The following WDR4 variants were observed in gnomAD, a reference collection of about 807,000 sequenced individuals.
WDR4 encodes the protein tRNA (guanine-N(7)-)-methyltransferase non-catalytic subunit WDR4.
In WDR4, 47 loss-of-function variants were observed where a neutral mutation model predicts 48.6. That is an observed-to-expected ratio of 0.97 (90% confidence interval 0.77 to 1.23). WDR4 has a LOEUF of 1.23. Among genes scored for constraint, WDR4 ranks in the 50% most tolerant of loss-of-function variants. The pLI is 0.00. For missense variants in WDR4, 606 were observed against 551.6 expected (o/e 1.10, Z -0.99); for synonymous variants, 268 against 230.0 (o/e 1.17, Z -1.49).
intron 3 of WDR4, among the ~76,000 whole-genome samples, chr21:42,868,383 A>T (rs2058296410): frequency 6.6e-6 from 1 of 152,210 alleles, no homozygotes; most frequent in African/African-American, 2.4e-5. Context: ...TGGCAACCTC[A>T]GAACTTCACA....
downstream of WDR4, among the ~76,000 whole-genome samples, chr21:42,848,966 ACT>A (rs750830254): frequency 9.2e-5 from 10 of 108,724 alleles, no homozygotes; most frequent in South Asian, 7.2e-4. Flanking sequence ...CGCGCACCTC[ACT>A]CACAGCACAC....
At chr21:42,868,672 T>C (rs2058304127) in intron 3 of WDR4, among the ~76,000 whole-genome samples, 1 of 152,298 alleles carries the variant, frequency 6.6e-6, no homozygotes, top group East Asian at 1.9e-4. Flanking sequence ...CCTAAGTACG[T>C]GATTTAGGGC....
rs1454182490 is a variant in WDR4, at chr21:42,850,223, G to A, written c.1065C>T (p.Ala355=). 7 of 1,600,506 alleles carry A rather than the reference G, an allele frequency of 4.4e-6. No individual in the cohort carries two copies. In the Admixed American group the frequency reaches 1.2e-4, roughly 28 times the overall value. ...TGGCCTTGTAGAGACTGCTGAAGCT[G>A]GCGTCTGCGCCGGCAGAGCCTGTGA... is the stretch of plus-strand genomic sequence containing the variant. The part of the protein sequence containing the change: ...AMLEGSAGAD[A]SFSSLYKATF... The change falls in exon 11 of 11, where the codon GCC becomes GCT. Residue 355 remains alanine (A), a synonymous_variant. Transcript: ENST00000398208.
rs115837054 is a variant in WDR4 at position 42,854,180 on chromosome 21, T to C, written c.791+382A>G. ...GTCACTCGGGAAGAAGCAGCAGAAC[T>C]GCACTCCACCCCTAAACCCACCTTG... On this transcript the variant is annotated intron_variant, in intron 8 of 10. Transcript: ENST00000398208. Among the ~76,000 whole-genome samples, 546 of 152,336 alleles carry C rather than the reference T, an allele frequency of 3.6e-3. 4 individuals carry two copies. Among genetic ancestry groups the C allele is most frequent in the African/African-American group, 0.013 (525 of 41,570 alleles).
upstream of WDR4, among the ~76,000 whole-genome samples, chr21:42,882,663 T>C (rs2058616661): frequency 6.6e-6 from 1 of 151,788 alleles, no homozygotes; most frequent in African/African-American, 2.4e-5. Context: ...ATTAGCACAA[T>C]AGAAAAATGG....
In WDR4 at chr21:42,862,872, C is replaced by A. The variant is rs529861816; in HGVS notation, c.454-478G>T. Among the ~76,000 whole-genome samples, 8 of 152,350 alleles carry A rather than the reference C, an allele frequency of 5.3e-5. No individual in the cohort carries two copies. Among genetic ancestry groups the A allele is most frequent in the Non-Finnish European group, 1.2e-4 (8 of 68,032 alleles). The stretch of plus-strand genomic sequence containing the variant: ...CTGACTGTCCCTGTGTGCGTCCAAT[C>A]CCAGCTCCACCACCCGGGCTGTGGG... On this transcript the variant is annotated intron_variant, in intron 4 of 10. Transcript: ENST00000398208. The surrounding 1 kb of genome is among the most constrained non-coding windows in gnomAD (Gnocchi z 4.3).
chr21:42,850,308 G>T, intron 10 of WDR4, 66 bp from the exon 11 acceptor site: 1 of 1,444,388 alleles, frequency 6.9e-7, no homozygotes, highest in Non-Finnish European at 9.3e-7. Flanking sequence ...CACCACAGCG[G>T]GCCCCCTGCA....
At chr21:42,874,975 G>A (rs762999115) in intron 2 of WDR4, among the ~76,000 whole-genome samples, 1 of 151,998 alleles carries the variant, frequency 6.6e-6, no homozygotes, top group Admixed American at 6.6e-5. Flanking sequence ...CTGGTTTTAC[G>A]GCTCAGGAGG....
At chr21:42,885,198 A>C in the WDR4 span, among the ~76,000 whole-genome samples, 6 of 152,168 alleles carry the variant, frequency 3.9e-5, no homozygotes, top group Non-Finnish European at 7.3e-5. Flanking sequence ...TTAAGATGTA[A>C]TAACTTCTAG....
intron 2 of WDR4, among the ~76,000 whole-genome samples, chr21:42,875,637 G>A (rs1202690402): frequency 6.6e-6 from 1 of 152,150 alleles, no homozygotes; most frequent in Non-Finnish European, 1.5e-5. Context: ...AACCCAGGAG[G>A]TCGAGGCTGC....
At chr21:42,861,951 C>A (rs1353371703) in intron 5 of WDR4, among the ~76,000 whole-genome samples, 1 of 152,166 alleles carries the variant, frequency 6.6e-6, no homozygotes, top group Non-Finnish European at 1.5e-5. Context: ...GCCCCCAACA[C>A]CCCCACCACC....
intron 3 of WDR4, among the ~76,000 whole-genome samples, chr21:42,868,532 C>G (rs1164768121): frequency 6.6e-6 from 1 of 152,224 alleles, no homozygotes; most frequent in African/African-American, 2.4e-5. Flanking sequence ...CAGGCAGTGG[C>G]TACTCCTCAA....
At chr21:42,860,235 G>A (rs981910144) in intron 5 of WDR4, among the ~76,000 whole-genome samples, 2 of 152,192 alleles carry the variant, frequency 1.3e-5, no homozygotes, top group Admixed American at 6.5e-5. Context: ...GGGTCCTGAC[G>A]GCCCCTCAGC....
In WDR4 at chr21:42,873,586, A is replaced by G; in HGVS notation, c.261T>C (p.Leu87=). 5.0e-6 allele frequency: 8 copies of G among 1,614,216 alleles called. No individual in the cohort carries two copies. The highest frequency in any genetic ancestry group is 6.8e-6 in the Non-Finnish European group (8 of 1,180,042). The change falls in exon 3 of 11, where the codon CTT becomes CTC. Residue 87 remains leucine, a synonymous_variant. Coordinates refer to ENST00000398208, the MANE Select transcript of WDR4 (RefSeq NM_018669.6). ...ALTDDSKRLI[L]FRTKPWQCLS... ...GACATTGCCATGGTTTTGTACGGAA[A>G]AGAATCAGACGCTTACTGTCATCGG...
intron 2 of WDR4, among the ~76,000 whole-genome samples, chr21:42,874,649 T>A (rs1357585740): frequency 6.6e-6 from 1 of 151,968 alleles, no homozygotes; most frequent in African/African-American, 2.4e-5. Context: ...CATCTTCTGG[T>A]CGAGACTGTA....
upstream of WDR4, among the ~76,000 whole-genome samples, chr21:42,881,398 AGTTT>A (rs138656300): frequency 0.16 from 24,067 of 151,990 alleles, 2,313 homozygotes; most frequent in Non-Finnish European, 0.21. Flanking sequence ...TCTGCTGGCC[AGTTT>A]GTTTGTTTGT....
chr21:42,881,720 C>T (rs1046323003), upstream of WDR4, among the ~76,000 whole-genome samples: 2 of 152,246 alleles, frequency 1.3e-5, no homozygotes, highest in African/African-American at 4.8e-5. Context: ...GTAGCACCTA[C>T]TGCTAGGTAC....
At chr21:42,870,660 A>G (rs2058351201) in intron 3 of WDR4, among the ~76,000 whole-genome samples, 1 of 151,990 alleles carries the variant, frequency 6.6e-6, no homozygotes, top group South Asian at 2.1e-4. Context: ...GTGGTGGCAC[A>G]TGCTTGTAAT....
rs942061525 is a variant in WDR4 at position 42,862,632 on chromosome 21, G to A, written c.454-238C>T. Among the ~76,000 whole-genome samples the A allele has an allele frequency of 6.6e-6, 1 of 152,132 alleles. No homozygotes were observed. Among genetic ancestry groups the A allele is most frequent in the Non-Finnish European group, 1.5e-5 (1 of 68,010 alleles). On this transcript the variant is annotated intron_variant, in intron 4 of 10. Coordinates refer to ENST00000398208, the MANE Select transcript of WDR4 (RefSeq NM_018669.6). This position sits in a 1 kb window ranked among gnomAD's most constrained non-coding sequence, Gnocchi z 4.3. Reference sequence around the variant, plus strand: ...CCCTCACTCCTCAGTGCTAGAGCAGGCTTCTGGGGTGGGGCAGTGCCACCC... The same window carrying A: ...CCCTCACTCCTCAGTGCTAGAGCAGACTTCTGGGGTGGGGCAGTGCCACCC...
Sources: gnomAD v4.1 joint callset for allele counts (sites outside exome capture counted in the v4.1 genomes callset) on GRCh38, gnomAD v4.1.1 for gene constraint, Gnocchi (gnomAD v3.1) non-coding constraint, MANE v1.5 for transcripts, NCBI Gene and HGNC (gene_info 2026-07-23, HGNC 2026-07-21) for gene names.